The following WBP2NL variants were observed in gnomAD, a reference collection of about 807,000 sequenced individuals.
WBP2NL encodes the protein postacrosomal sheath WW domain-binding protein.
In WBP2NL, 27 loss-of-function variants were observed where a neutral mutation model predicts 23.3. The ratio of observed to expected loss-of-function variants is 1.16; its 90% CI spans 0.85 to 1.60. The LOEUF (loss-of-function observed/expected upper bound fraction) is 1.60, where lower values mean the gene tolerates loss of function less well. WBP2NL is among the 40% of genes most tolerant of loss of function. The pLI is 0.00. For synonymous variants in WBP2NL, 151 were observed against 145.9 expected, an observed-to-expected ratio of 1.03 and a Z score of -0.25; for missense variants, 370 against 389.5, an observed-to-expected ratio of 0.95 and a Z score of 0.42.
At chr22:42,037,815 C>CG (rs1925242132), downstream of WBP2NL, among the ~76,000 whole-genome samples, 1 of 145,278 alleles carries the variant, frequency 6.9e-6, no homozygotes, top group Non-Finnish European at 1.5e-5. Flanking sequence ...CTACCAGTTT[C>CG]GGGGGGAGGT....
At chr22:42,032,885 G>A (rs569234861), downstream of WBP2NL, 377 of 218,764 alleles carry the variant, frequency 1.7e-3, 3 homozygotes, top group African/African-American at 8.4e-3. Context: ...GTAATTTTTA[G>A]TAATTAGAAT....
intron 8 of WBP2NL, among the ~76,000 whole-genome samples, chr22:42,042,293 G>A (rs950011965): frequency 6.6e-6 from 1 of 152,060 alleles, no homozygotes; most frequent in Non-Finnish European, 1.5e-5. Context: ...CCCATAATGT[G>A]TATATTAGTT....
chr22:41,998,867 C>T lies in WBP2NL; in HGVS notation c.49C>T (p.Pro17Ser). The T allele has an allele frequency of 1.2e-6, 2 of 1,611,730 alleles. No individual in the cohort carries two copies. The highest frequency in any genetic ancestry group is 1.7e-6 in the Non-Finnish European group (2 of 1,178,470). The change falls in exon 1 of 6, where the codon CCT (proline) becomes TCT (serine). Residue 17 changes from proline to serine, a missense_variant. Transcript: ENST00000328823. ...HTENRRGALI[P>S]NGESLLKRSP... The stretch of plus-strand genomic sequence containing the variant: ...CGAGAACCGCCGCGGAGCCCTCATC[C>T]CTAACGGTGAAAGGTGCCTGAGGGG...
At chr22:42,025,595 G>A (rs918449385) in intron 5 of WBP2NL, among the ~76,000 whole-genome samples, 3 of 152,170 alleles carry the variant, frequency 2.0e-5, no homozygotes, top group African/African-American at 4.8e-5. Context: ...CCATTGAATG[G>A]TCTTGGCATT....
intron 8 of WBP2NL, among the ~76,000 whole-genome samples, chr22:42,041,228 C>T (rs1925388149): frequency 6.6e-6 from 1 of 152,046 alleles, no homozygotes; most frequent in Non-Finnish European, 1.5e-5. Context: ...CCTGTAATCC[C>T]AGCACTTTGG....
At chr22:42,008,156 C>CCTTTG (rs1922462210) in intron 1 of WBP2NL, among the ~76,000 whole-genome samples, 4 of 106,116 alleles carry the variant, frequency 3.8e-5, no homozygotes, top group Admixed American at 8.9e-5. Flanking sequence ...CCTTTCCTTT[C>CCTTTG]CTTTCCTTTC....
At chr22:42,030,116 A>G (rs1362616864), downstream of WBP2NL, 1 of 152,246 alleles carries the variant, frequency 6.6e-6, no homozygotes, top group African/African-American at 2.4e-5. Context: ...ACTACTTCTT[A>G]GAGCCTTGAC....
downstream of WBP2NL, chr22:42,031,504 G>A (rs9611721): frequency 1.3e-5 from 2 of 152,026 alleles, no homozygotes; most frequent in Non-Finnish European, 2.9e-5. Context: ...TTTCCTATTA[G>A]AAATATAAAG....
downstream of WBP2NL, among the ~76,000 whole-genome samples, chr22:42,036,055 T>C (rs1365265715): frequency 3.9e-5 from 6 of 152,250 alleles, no homozygotes; most frequent in Non-Finnish European, 8.8e-5. Flanking sequence ...TCTTTATCTG[T>C]TCATCACTGA....
At chr22:42,018,562 G>C (rs1478332487) in intron 1 of WBP2NL, among the ~76,000 whole-genome samples, 2 of 152,088 alleles carry the variant, frequency 1.3e-5, no homozygotes, top group Admixed American at 6.5e-5. Context: ...GTGACAGTAA[G>C]GTGAGTCCAA....
chr22:42,021,464 G>A (rs9620010), intron 4 of WBP2NL, among the ~76,000 whole-genome samples: 459 of 152,312 alleles, frequency 3.0e-3, no homozygotes, highest in African/African-American at 0.01. Flanking sequence ...GTTTGTAGAC[G>A]TAATTAATTT....
chr22:42,020,074 G>C lies in WBP2NL; in HGVS notation c.384G>C (p.Leu128Phe), dbSNP rs1488100161. ...GAGATGCCATTGAATTTGCCCAGTT[G>C]ATGGTGAAAGCTGCCTCTGCTGGTA... ...RNGDAIEFAQ[L>F]MVKAASAAAR... is the part of the protein sequence containing the mutation. The change falls in exon 4 of 6, where the codon TTG becomes TTC. Residue 128 changes from leucine (L) to phenylalanine (F), a missense_variant. Coordinates refer to ENST00000328823, the MANE Select transcript of WBP2NL (RefSeq NM_152613.3). The C allele has an allele frequency of 1.9e-6, 3 of 1,613,956 alleles. No individual in the cohort carries two copies. The highest frequency in any genetic ancestry group is 2.2e-5 in the East Asian group (1 of 44,904).
chr22:42,043,036 AAAAGG>A (rs1033212694), intron 8 of WBP2NL, among the ~76,000 whole-genome samples: 1 of 151,510 alleles, frequency 6.6e-6, no homozygotes, highest in Non-Finnish European at 1.5e-5. Flanking sequence ...AAAAAAAAAA[AAAAGG>A]AGAAGAAGCA....
At chr22:42,037,414 G>A (rs1195239503), downstream of WBP2NL, among the ~76,000 whole-genome samples, 1 of 151,894 alleles carries the variant, frequency 6.6e-6, no homozygotes, top group Admixed American at 6.6e-5. Flanking sequence ...GTTCAAAATT[G>A]CTTTGGCTAT....
intron 8 of WBP2NL, among the ~76,000 whole-genome samples, chr22:42,042,009 T>C (rs536068024): frequency 7.2e-5 from 11 of 152,358 alleles, no homozygotes; most frequent in African/African-American, 2.4e-4. Context: ...CATTCTTTCC[T>C]GGCCTACAAA....
At chr22:42,020,892 ATATATATATATATATATTTTTTTTTTTT>A (rs1923880020) in intron 4 of WBP2NL, among the ~76,000 whole-genome samples, 1 of 43,072 alleles carries the variant, frequency 2.3e-5, no homozygotes, top group Non-Finnish European at 4.1e-5. Context: ...ATATATATAT[ATATATATATATATATATTTTTTTTTTTT>A]TTTTTTTTTT....
At chr22:42,026,619 T>C in intron 5 of WBP2NL, 147 bp from the exon 6 acceptor site, 2 of 1,300,700 alleles carry the variant, frequency 1.5e-6, no homozygotes, top group Non-Finnish European at 2.1e-6. Flanking sequence ...CAATTGGTGA[T>C]AGCTAGAGGA....
At chr22:42,014,372 C>T (rs1923116789) in intron 1 of WBP2NL, among the ~76,000 whole-genome samples, 1 of 152,138 alleles carries the variant, frequency 6.6e-6, no homozygotes, top group South Asian at 2.1e-4. Context: ...ACTGTAGGTG[C>T]ACTCCACCAT....
Position 42,027,505 on chromosome 22 carries a change from A to C in WBP2NL, c.*324A>C, listed in dbSNP as rs1179853883. On this transcript the variant is annotated 3_prime_UTR_variant, in exon 6 of 6. Coordinates refer to ENST00000328823, the MANE Select transcript of WBP2NL (RefSeq NM_152613.3). ...TCAAGGTTCCTGTCTTCCCATCCTC[A>C]TTCAAGAAACATTTATTATGCTCCG... 3.1e-6 allele frequency: 1 copy of C among 323,238 alleles called. No homozygotes were observed. Among genetic ancestry groups the C allele is most frequent in the Non-Finnish European group, 5.6e-6 (1 of 177,692 alleles). The allele number at this position is 323,238 out of a possible 1,614,324, so 20.0% of individuals were successfully genotyped here.
Sources: gnomAD v4.1 joint callset for allele counts (sites outside exome capture counted in the v4.1 genomes callset) on GRCh38, gnomAD v4.1.1 for gene constraint, MANE v1.5 for transcripts, NCBI Gene and HGNC (gene_info 2026-07-23, HGNC 2026-07-21) for gene names.